The following GLI1 variants were observed in gnomAD, a reference collection of about 807,000 sequenced individuals.
GLI1 encodes the protein GLI family zinc finger 1.
A neutral mutation model predicts 87.8 loss-of-function variants in GLI1; 51 were observed. That is an observed-to-expected ratio of 0.58 (90% confidence interval 0.46 to 0.73). The LOEUF is 0.73. Ranked by LOEUF, GLI1 falls within the 30% of genes least tolerant of loss-of-function variation. The probability of loss-of-function intolerance (pLI) is 0.00; values close to 1 mark genes in which losing one functional copy is unlikely to be tolerated. For synonymous variants in GLI1, 528 were observed against 558.2 expected, an observed-to-expected ratio of 0.95 and a Z score of 0.76; for missense variants, 1,292 against 1,437.2, an observed-to-expected ratio of 0.90 and a Z score of 1.63.
chr12:57,466,298 G>T lies in GLI1; in HGVS notation c.821G>T (p.Gly274Val), dbSNP rs1871481209. 1.2e-6 allele frequency: 2 copies of T among 1,613,950 alleles called. No homozygotes were observed. Among genetic ancestry groups the T allele is most frequent in the Non-Finnish European group, 1.7e-6 (2 of 1,179,894 alleles). ...AAGGAGTTCGTGTGCCACTGGGGGG[G>T]CTGCTCCAGGGAGCTGAGGCCCTTC... ...ERKEFVCHWGGCSRELRPFKA... is the reference protein window; with the variant it reads ...ERKEFVCHWGVCSRELRPFKA... The change falls in exon 8 of 12, where the codon GGC (glycine) becomes GTC (valine). Residue 274 changes from glycine to valine, a missense_variant. Physicochemically the swap from Gly to Val is moderately radical, Grantham distance 109. This residue lies in a region of GLI1 where 383 missense variants were observed against 368.4 expected (regional missense o/e 1.04). Coordinates refer to ENST00000228682, the MANE Select transcript of GLI1 (RefSeq NM_005269.3).
At chr12:57,468,269 C>T (rs757291775) in intron 10 of GLI1, 45 bp downstream of exon 10, 2 of 1,268,702 alleles carry the variant, frequency 1.6e-6, no homozygotes, top group Admixed American at 1.8e-5. Context: ...CCAGCCCACC[C>T]TGTGGACATC....
intron 1 of GLI1, among the ~76,000 whole-genome samples, chr12:57,461,017 C>T (rs570588441): frequency 6.6e-6 from 1 of 152,176 alleles, no homozygotes; most frequent in Non-Finnish European, 1.5e-5. Context: ...CCCGCCCAAA[C>T]GGGAGCTGGG....
In GLI1 at chr12:57,469,432, A is replaced by C; in HGVS notation, c.1310A>C (p.Lys437Thr). The C allele has an allele frequency of 6.2e-7, 1 of 1,613,488 alleles. No homozygotes were observed. The highest frequency in any genetic ancestry group is 1.1e-5 in the South Asian group (1 of 91,080). Residue 437 changes from lysine (K) to threonine (T), a missense_variant and splice_region_variant, in exon 11 of 12, where the codon AAG becomes ACG. Transcript: ENST00000228682. The part of the protein sequence containing the change: ...SRLTVPEGAM[K>T]PQPSPGAQSS... ...CCTCAGACCTCATCTTCTCCACAGA[A>C]GCCACAGCCAAGCCCTGGGGCCCAG...
Position 57,466,098 on chromosome 12 carries a change from G to A in GLI1, c.763-142G>A, listed in dbSNP as rs1455348134. ...TTTGCCTTAGGGAGCTGGAAGACCT[G>A]AGATGTGAGATATGATATTGCTCCT... On this transcript the variant is annotated intron_variant, in intron 7 of 11. Transcript: ENST00000228682. 34 of 1,058,870 alleles carry A rather than the reference G, an allele frequency of 3.2e-5. No homozygotes were observed. In the South Asian group the frequency reaches 4.5e-4, roughly 14 times the overall value. 65.6% of individuals were successfully genotyped at this position (1,058,870 alleles called of 1,614,324 possible). A position where few individuals can be genotyped will look rare whatever the true frequency, so the allele number is the denominator to read the frequency against.
rs779647343 is a variant in GLI1 at position 57,467,436 on chromosome 12, G to C, written c.1016G>C (p.Ser339Thr). ...TACATGTGTGAGCACGAGGGCTGCA[G>C]TAAAGCCTTCAGCAATGCCAGTGAC... ...KPYMCEHEGC[S>T]KAFSNASDRA... Residue 339 changes from serine to threonine, a missense_variant, in exon 9 of 12, where the codon AGT becomes ACT. Physicochemically the swap from Ser to Thr is moderately conservative, Grantham distance 58. Transcript: ENST00000228682. 5 of 1,612,516 alleles carry C rather than the reference G, an allele frequency of 3.1e-6. No individual in the cohort carries two copies. Among genetic ancestry groups the C allele is most frequent in the Non-Finnish European group, 4.2e-6 (5 of 1,178,646 alleles).
At chr12:57,463,862 A>T in intron 2 of GLI1, 71 bp downstream of exon 2, 1 of 993,382 alleles carries the variant, frequency 1.0e-6, no homozygotes, top group South Asian at 1.3e-5. Flanking sequence ...CCCCCACCCC[A>T]TGCCAGTTTC....
In GLI1 at chr12:57,471,429, C is replaced by G. The variant is rs763029899; in HGVS notation, c.2689C>G (p.Leu897Val). Reference sequence around the variant, plus strand: ...TTCCACAGGGCAGCTCAAGGCTCAGCTTGTGTGTAATTATGTTCAATCTCA... The same window carrying G: ...TTCCACAGGGCAGCTCAAGGCTCAGGTTGTGTGTAATTATGTTCAATCTCA... The part of the protein sequence containing the change: ...THSTGQLKAQ[L>V]VCNYVQSQQE... The change falls in exon 12 of 12, where the codon CTT becomes GTT. Residue 897 changes from leucine to valine, a missense_variant. Around this residue, in one of 3 missense-constraint regions of GLI1, gnomAD observed 897 missense variants for 1,040.7 expected, o/e 0.86. Transcript: ENST00000228682. The surrounding 1 kb of genome is among the most constrained non-coding windows in gnomAD (Gnocchi z 4.9). 1.2e-5 allele frequency: 19 copies of G among 1,613,730 alleles called. No individual in the cohort carries two copies. Among genetic ancestry groups the G allele is most frequent in the Non-Finnish European group, 1.5e-5 (18 of 1,179,908 alleles).
Position 57,472,168 on chromosome 12 carries a change from G to T in GLI1, c.*107G>T. On this transcript the variant is annotated 3_prime_UTR_variant, in exon 12 of 12. Coordinates refer to ENST00000228682, the MANE Select transcript of GLI1 (RefSeq NM_005269.3). ...CCATGCACAAGATGCCCCAGGGATG[G>T]GAGGTATGGGCTGGGGGCTATGTAT... is the stretch of plus-strand genomic sequence containing the variant. 1.4e-6 allele frequency: 1 copy of T among 731,622 alleles called. No individual in the cohort carries two copies. Among genetic ancestry groups the T allele is most frequent in the Non-Finnish European group, 2.1e-6 (1 of 468,654 alleles). The allele number at this position is 731,622 out of a possible 1,614,324, so 45.3% of individuals were successfully genotyped here. A position where few individuals can be genotyped will look rare whatever the true frequency, so the allele number is the denominator to read the frequency against.
chr12:57,465,110 G>T lies in GLI1; in HGVS notation c.390-1G>T. On this transcript the variant is annotated splice_acceptor_variant, in intron 4 of 11. Transcript: ENST00000228682. LOFTEE classifies it high-confidence loss of function. ...AAGTAACTGCCTCCTCTCCTCCTCA[G>T]CCCATCTCTGGGATTCCCAGCCCAG... is the stretch of plus-strand genomic sequence containing the variant. 3 of 1,613,992 alleles carry T rather than the reference G, an allele frequency of 1.9e-6. No homozygotes were observed. The highest frequency in any genetic ancestry group is 2.5e-6 in the Non-Finnish European group (3 of 1,179,858).
At position 57,459,821 on chromosome 12, in the gene GLI1, T is replaced by G; in HGVS notation, c.-408T>G. Among the ~76,000 whole-genome samples the G allele has an allele frequency of 7.1e-6, 1 of 141,808 alleles. No homozygotes were observed. The allele number at this position is 141,808 out of a possible 152,430, so 93.0% of individuals were successfully genotyped here. On this transcript the variant is annotated 5_prime_UTR_variant, in exon 1 of 12. Coordinates refer to ENST00000228682, the MANE Select transcript of GLI1 (RefSeq NM_005269.3). The stretch of plus-strand genomic sequence containing the variant: ...AGGGTCCCTCAAGGGAGGGGGAGGA[T>G]CCTGGGGGTCCTGGGGGTGCAATAA...
intron 4 of GLI1, 67 bp downstream of exon 4, chr12:57,464,935 C>G: frequency 1.5e-6 from 2 of 1,314,224 alleles, no homozygotes; most frequent in South Asian, 1.2e-5. Context: ...GTCTCAAGCC[C>G]TCAAACTACC....
At chr12:57,463,900 T>C in intron 2 of GLI1, 99 bp from the exon 3 acceptor site, 1 of 955,702 alleles carries the variant, frequency 1.0e-6, no homozygotes, top group Non-Finnish European at 1.7e-6. Context: ...TGAGGCCCCA[T>C]GTCATATGGA....
chr12:57,467,453 G>T lies in GLI1; in HGVS notation c.1033G>T (p.Ala345Ser), dbSNP rs200802561. 6.2e-7 allele frequency: 1 copy of T among 1,610,320 alleles called. No homozygotes were observed. The highest frequency in any genetic ancestry group is 1.7e-5 in the Admixed American group (1 of 59,942). The change falls in exon 9 of 12, where the codon GCC (alanine) becomes TCC (serine). Residue 345 changes from alanine (A) to serine (S), a missense_variant. By Grantham distance (99) the Ala-to-Ser change is moderately conservative (BLOSUM62 1). Transcript: ENST00000228682. The stretch of plus-strand genomic sequence containing the variant: ...GGGCTGCAGTAAAGCCTTCAGCAAT[G>T]CCAGTGACCGAGCCAAGCACCAGAA... ...HEGCSKAFSN[A>S]SDRAKHQNRT...
Position 57,470,511 on chromosome 12 carries a change from G to A in GLI1, c.1771G>A (p.Ala591Thr). 2 of 1,613,994 alleles carry A rather than the reference G, an allele frequency of 1.2e-6. No homozygotes were observed. The highest frequency in any genetic ancestry group is 1.7e-6 in the Non-Finnish European group (2 of 1,179,908). ...LMPAQHYLLRARYASARGGGT... is the reference protein window; with the variant it reads ...LMPAQHYLLRTRYASARGGGT... ...GCCTGCCCAGCACTACCTGCTTCGG[G>A]CAAGATATGCTTCAGCCAGAGGGGG... is the stretch of plus-strand genomic sequence containing the variant. Residue 591 changes from alanine (A) to threonine (T), a missense_variant, in exon 12 of 12, where the codon GCA (alanine) becomes ACA (threonine). Coordinates refer to ENST00000228682, the MANE Select transcript of GLI1 (RefSeq NM_005269.3).
At position 57,468,065 on chromosome 12, in the gene GLI1, C is replaced by T. The variant is rs753108698; in HGVS notation, c.1149C>T (p.Val383=). Residue 383 remains valine, a synonymous_variant, in exon 10 of 12, where the codon GTC becomes GTT. Coordinates refer to ENST00000228682, the MANE Select transcript of GLI1 (RefSeq NM_005269.3). ...YTDPSSLRKH[V]KTVHGPDAHV... is the part of the protein sequence containing the mutation. Reference sequence around the variant, plus strand: ...ATCCTAGCTCGCTGCGAAAACATGTCAAGACAGTGCATGGTCCTGACGCCC... The same window carrying T: ...ATCCTAGCTCGCTGCGAAAACATGTTAAGACAGTGCATGGTCCTGACGCCC... 4 of 1,614,100 alleles carry T rather than the reference C, an allele frequency of 2.5e-6. No individual in the cohort carries two copies. Among genetic ancestry groups the T allele is most frequent in the Non-Finnish European group, 3.4e-6 (4 of 1,180,030 alleles).
In GLI1 at chr12:57,464,797, C is replaced by T. The variant is rs1224725764; in HGVS notation, c.318C>T (p.Leu106=). Residue 106 remains leucine (L), a synonymous_variant, in exon 4 of 12, where the codon CTC becomes CTT. Coordinates refer to ENST00000228682, the MANE Select transcript of GLI1 (RefSeq NM_005269.3). ...TTATCCGCACCTCACCCAGCTCCCT[C>T]GTAGCTTTCATCAACTCGCGATGCA... ...QTVIRTSPSS[L]VAFINSRCTS... is the part of the protein sequence containing the mutation. 19 of 1,613,916 alleles carry T rather than the reference C, an allele frequency of 1.2e-5. No individual in the cohort carries two copies. The highest frequency in any genetic ancestry group is 7.7e-5 in the South Asian group (7 of 91,088).
At chr12:57,461,020 G>C (rs1207070103) in intron 1 of GLI1, among the ~76,000 whole-genome samples, 2 of 152,182 alleles carry the variant, frequency 1.3e-5, no homozygotes, top group Non-Finnish European at 1.5e-5. Context: ...GCCCAAACGG[G>C]AGCTGGGGAT....
intron 7 of GLI1, 100 bp from the exon 8 acceptor site, chr12:57,466,139 AG>A: frequency 7.9e-7 from 1 of 1,264,138 alleles, no homozygotes; most frequent in Non-Finnish European, 1.1e-6. Context: ...TTCCTCCTTG[AG>A]GTGGAGTCGT....
chr12:57,463,827 T>G (rs1265724151), intron 2 of GLI1, 36 bp downstream of exon 2: 3 of 1,329,416 alleles, frequency 2.3e-6, no homozygotes, highest in African/African-American at 2.9e-5. Context: ...CCTTGAGGAT[T>G]TGGCAGATCT....
Sources: allele counts gnomAD v4.1 joint callset (sites outside exome capture counted in the v4.1 genomes callset), GRCh38; gene constraint gnomAD v4.1.1; regional missense constraint gnomAD v4.1.1; non-coding constraint Gnocchi (gnomAD v3.1); transcripts MANE v1.5; gene names NCBI Gene and HGNC (gene_info 2026-07-23, HGNC 2026-07-21).